Variants in MAOA observed in about 807,000 individuals in gnomAD.
The protein encoded by MAOA is amine oxidase [flavin-containing] A.
MAOA carries 6 observed loss-of-function variants against 42.0 expected under a neutral mutation model. The observed-to-expected ratio is 0.14, with a 90% CI of 0.08 to 0.28. The LOEUF is 0.28. MAOA is among the 10% of genes least tolerant of loss of function. The pLI is 1.00. For missense variants in MAOA, 262 were observed against 422.3 expected, an observed-to-expected ratio of 0.62 and a Z score of 3.33; for synonymous variants, 140 against 154.0, an observed-to-expected ratio of 0.91 and a Z score of 0.67.
At chrX:43,667,103 A>C (rs962206218) in intron 1 of MAOA, among the ~76,000 whole-genome samples, 5 of 109,885 alleles carry the variant, frequency 4.6e-5, no homozygotes, top group Admixed American at 2.9e-4. Context: ...ACAAACCTGC[A>C]CATTGTGCAC....
Position 43,731,722 on chromosome X carries a change from C to T in MAOA, c.824C>T (p.Pro275Leu), listed in dbSNP as rs749012045. The T allele has an allele frequency of 4.1e-6, 5 of 1,209,309 alleles. No homozygotes were observed. The highest frequency in any genetic ancestry group is 2.2e-5 in the Admixed American group (1 of 45,706). Residue 275 changes from proline to leucine, a missense_variant, in exon 8 of 15, where the codon CCG (proline) becomes CTG (leucine). Physicochemically the swap from Pro to Leu is moderately conservative, Grantham distance 98. This residue lies in a region of MAOA where 86 missense variants were observed against 190.3 expected (regional missense o/e 0.45). Transcript: ENST00000338702. ...ECKYVINAIP[P>L]TLTAKIHFRP... ...AAATACGTAATTAATGCGATCCCTC[C>T]GACCTTGACTGCCAAGATTCACTTC...
chrX:43,681,546 C>A (rs986277968), intron 1 of MAOA, among the ~76,000 whole-genome samples: 1 of 110,948 alleles, frequency 9.0e-6, no homozygotes, highest in African/African-American at 3.3e-5. Context: ...TCTTTTTTAT[C>A]TTTAGGATAT....
chrX:43,657,454 C>T (rs1601921730), intron 1 of MAOA, among the ~76,000 whole-genome samples: 1 of 109,570 alleles, frequency 9.1e-6, no homozygotes, highest in East Asian at 2.9e-4. Context: ...TCTGATGAGC[C>T]AGTTGGTGGG....
chrX:43,721,418 C>T (rs1037909719), intron 5 of MAOA, among the ~76,000 whole-genome samples: 1 of 111,428 alleles, frequency 9.0e-6, no homozygotes, highest in African/African-American at 3.3e-5. Flanking sequence ...AATATTTGTC[C>T]TTTCTCCACT....
chrX:43,719,235 G>A (rs144597274), intron 5 of MAOA, among the ~76,000 whole-genome samples: 3,479 of 111,426 alleles, frequency 0.031, 136 homozygotes, highest in African/African-American at 0.11. Context: ...CAGAGGGGTA[G>A]AGGGAAATAG....
intron 2 of MAOA, among the ~76,000 whole-genome samples, chrX:43,687,958 G>A (rs2033500642): frequency 8.9e-6 from 1 of 112,739 alleles, no homozygotes; most frequent in Admixed American, 9.3e-5. Flanking sequence ...GTAGGCTCCT[G>A]ATTTTCCTGC....
At position 43,728,231 on chromosome X, in the gene MAOA, G is replaced by A. The variant is rs77698881; in HGVS notation, c.562G>A (p.Glu188Lys). 5.5e-5 allele frequency: 66 copies of A among 1,208,169 alleles called. No homozygotes were observed. The highest frequency in any genetic ancestry group is 5.6e-6 in the Non-Finnish European group (5 of 893,666). Reference protein sequence around the residue: ...VNINVTSEPHEVSALWFLWYV... With the variant: ...VNINVTSEPHKVSALWFLWYV... ...TATCAATGTGACCTCTGAGCCTCAC[G>A]AAGTGTCTGCCCTGTGGTTCTTGTG... Residue 188 changes from glutamate to lysine, a missense_variant, in exon 6 of 15, where the codon GAA becomes AAA. Glu to Lys is a moderately conservative substitution (Grantham distance 56, BLOSUM62 1). Around this residue, in one of 3 missense-constraint regions of MAOA, gnomAD observed 141 missense variants for 195.6 expected, o/e 0.72. Coordinates refer to ENST00000338702, the MANE Select transcript of MAOA (RefSeq NM_000240.4).
intron 1 of MAOA, among the ~76,000 whole-genome samples, chrX:43,661,284 A>G (rs1257979230): frequency 1.8e-5 from 2 of 111,934 alleles, no homozygotes; most frequent in African/African-American, 3.2e-5. Context: ...AGGTACTTCT[A>G]TCTTCTGGAA....
intron 9 of MAOA, among the ~76,000 whole-genome samples, chrX:43,735,555 G>T (rs2033913361): frequency 8.9e-6 from 1 of 112,404 alleles, no homozygotes; most frequent in African/African-American, 3.2e-5. Flanking sequence ...ACTTTATTGG[G>T]AAGTGCTCTG....
intron 3 of MAOA, 53 bp downstream of exon 3, chrX:43,693,481 A>C (rs1387657252): frequency 1.7e-6 from 2 of 1,165,753 alleles, no homozygotes; most frequent in African/African-American, 1.8e-5. Context: ...TTATTTGAGA[A>C]AACATTTGGT....
chrX:43,728,676 C>A (rs1195060392), intron 6 of MAOA, among the ~76,000 whole-genome samples: 1 of 112,449 alleles, frequency 8.9e-6, no homozygotes, highest in Non-Finnish European at 1.9e-5. Flanking sequence ...CTGTTCTAGA[C>A]ACAAGGTTTC....
chrX:43,672,732 A>G (rs1353912654), intron 1 of MAOA, among the ~76,000 whole-genome samples: 1 of 111,447 alleles, frequency 9.0e-6, no homozygotes. Flanking sequence ...TTCTGTTTAT[A>G]TGCTGGATTA....
intron 1 of MAOA, among the ~76,000 whole-genome samples, chrX:43,667,844 A>G (rs2033295672): frequency 8.9e-6 from 1 of 112,002 alleles, no homozygotes; most frequent in South Asian, 3.7e-4. Flanking sequence ...ATTTTTTGCT[A>G]TTCTACAATG....
chrX:43,745,062 C>A lies in MAOA; in HGVS notation c.*549C>A, dbSNP rs2033989157. 1.5e-5 allele frequency: 2 copies of A among 132,067 alleles called. No homozygotes were observed. Among genetic ancestry groups the A allele is most frequent in the Admixed American group, 1.5e-4 (2 of 13,003 alleles). 10.9% of individuals were successfully genotyped at this position (132,067 alleles called of 1,213,427 possible). On this transcript the variant is annotated 3_prime_UTR_variant, in exon 15 of 15. Coordinates refer to ENST00000338702, the MANE Select transcript of MAOA (RefSeq NM_000240.4). ...AGTGTTGGGGGTAGCGGCATGCAGACCCTCAGACCAGAATGGGGACATCTT... is the reference window on the plus strand; with the variant it reads ...AGTGTTGGGGGTAGCGGCATGCAGAACCTCAGACCAGAATGGGGACATCTT...
chrX:43,688,013 T>G (rs2033501038), intron 2 of MAOA, among the ~76,000 whole-genome samples: 1 of 112,398 alleles, frequency 8.9e-6, no homozygotes, highest in Non-Finnish European at 1.9e-5. Context: ...AGTGCATCAG[T>G]GAGAGTGAGC....
intron 12 of MAOA, among the ~76,000 whole-genome samples, chrX:43,743,505 A>G (rs1463717176): frequency 6.3e-5 from 7 of 110,767 alleles, no homozygotes; most frequent in Non-Finnish European, 3.8e-5. Context: ...TGATTTGGGG[A>G]TTGAATACAT....
At chrX:43,714,696 G>A (rs2033726226) in intron 5 of MAOA, among the ~76,000 whole-genome samples, 1 of 105,459 alleles carries the variant, frequency 9.5e-6, no homozygotes, top group South Asian at 4.6e-4. Context: ...TGGGGAACAA[G>A]AATGGATCCC....
intron 5 of MAOA, among the ~76,000 whole-genome samples, chrX:43,716,147 G>A (rs984021879): frequency 1.8e-5 from 2 of 111,390 alleles, no homozygotes; most frequent in African/African-American, 6.5e-5. Flanking sequence ...TCTAAGAATG[G>A]TCTTCAGAAT....
intron 5 of MAOA, among the ~76,000 whole-genome samples, chrX:43,716,906 A>G (rs1195720044): frequency 9.0e-6 from 1 of 110,822 alleles, no homozygotes; most frequent in Non-Finnish European, 1.9e-5. Flanking sequence ...TGTTGGCCTG[A>G]CTGGGGACAT....
Sources: gnomAD v4.1 joint callset for allele counts (sites outside exome capture counted in the v4.1 genomes callset) on GRCh38, gnomAD v4.1.1 for gene constraint, gnomAD v4.1.1 regional missense constraint, MANE v1.5 for transcripts, NCBI Gene and HGNC (gene_info 2026-07-23, HGNC 2026-07-21) for gene names.